The following CELF2 variants were observed in gnomAD, a reference collection of about 807,000 sequenced individuals.
The protein encoded by CELF2 is CUGBP Elav-like family member 2.
A neutral mutation model predicts 62.6 loss-of-function variants in CELF2; 8 were observed. The observed-to-expected ratio is 0.13, with a 90% CI of 0.07 to 0.23. The LOEUF (loss-of-function observed/expected upper bound fraction) is 0.23. Among genes scored for constraint, CELF2 ranks in the 10% least tolerant of loss-of-function variants. The pLI, the probability that CELF2 is intolerant of heterozygous loss-of-function variation, is 1.00. For missense variants in CELF2, 333 were observed against 671.0 expected, an observed-to-expected ratio of 0.50 and a Z score of 5.56; for synonymous variants, 258 against 250.0, an observed-to-expected ratio of 1.03 and a Z score of -0.30.
rs1003322340 is a variant in CELF2 at position 11,217,774 on chromosome 10, A to G, written c.354+267A>G. On this transcript the variant is annotated intron_variant, in intron 3 of 12. Transcript: ENST00000633077. The surrounding 1 kb of genome is among the most constrained non-coding windows in gnomAD (Gnocchi z 5.6). The stretch of plus-strand genomic sequence containing the variant: ...ACCCCACTGGGCAGCCACGGCTGCC[A>G]AAGAGTATTGGGTGGGCTAAGATTT... Among the ~76,000 whole-genome samples the G allele has an allele frequency of 1.3e-5, 2 of 152,232 alleles. No individual in the cohort carries two copies. Among genetic ancestry groups the G allele is most frequent in the Non-Finnish European group, 2.9e-5 (2 of 68,034 alleles).
intron 8 of CELF2, among the ~76,000 whole-genome samples, chr10:11,282,709 G>T (rs372139156): frequency 5.3e-5 from 8 of 152,220 alleles, no homozygotes; most frequent in Non-Finnish European, 1.0e-4. Context: ...AAACCCCAAG[G>T]TGCAAACAGG....
the CELF2 span, among the ~76,000 whole-genome samples, chr10:10,696,744 T>TG: frequency 6.6e-6 from 1 of 152,006 alleles, no homozygotes; most frequent in African/African-American, 2.4e-5. Context: ...GCGCAGTATT[T>TG]GGGTGGGAGT....
At chr10:10,914,894 C>T (rs904340713) in intron 1 of CELF2, among the ~76,000 whole-genome samples, 1 of 151,918 alleles carries the variant, frequency 6.6e-6, no homozygotes, top group East Asian at 1.9e-4. Flanking sequence ...TTTGGGAGGC[C>T]GAGGCGGGTG....
chr10:11,319,673 C>T lies in CELF2; in HGVS notation c.1097-1516C>T, dbSNP rs368619231. On this transcript the variant is annotated intron_variant, in intron 10 of 12. Coordinates refer to ENST00000633077, the MANE Select transcript of CELF2 (RefSeq NM_001326342.2). This position sits in a 1 kb window ranked among gnomAD's most constrained non-coding sequence, Gnocchi z 4.4. ...TCAGGAGGCTGCCACTCCATTCTCA[C>T]GCCATTCACACTCGTCTCGCCACCC... The T allele has an allele frequency of 1.0e-4, 44 of 423,936 alleles. No individual in the cohort carries two copies. The highest frequency in any genetic ancestry group is 4.2e-4 in the African/African-American group (21 of 49,434). 26.3% of individuals were successfully genotyped at this position (423,936 alleles called of 1,614,324 possible).
Position 11,067,391 on chromosome 10 carries a change from T to G in CELF2, c.74+49228T>G, listed in dbSNP as rs1228348591. ...GAACTTTATTTCTGAATTTGCTAAGTAAAACTTGCTTGCAAATGTGTAATA... is the reference window on the plus strand; with the variant it reads ...GAACTTTATTTCTGAATTTGCTAAGGAAAACTTGCTTGCAAATGTGTAATA... On this transcript the variant is annotated intron_variant, in intron 1 of 12. Coordinates refer to ENST00000633077, the MANE Select transcript of CELF2 (RefSeq NM_001326342.2). Among the ~76,000 whole-genome samples, 4 of 152,208 alleles carry G rather than the reference T, an allele frequency of 2.6e-5. No individual in the cohort carries two copies. The East Asian group carries it at 7.7e-4, about 29-fold the overall frequency.
At chr10:11,273,281 G>A (rs3780995) in intron 7 of CELF2, among the ~76,000 whole-genome samples, 74,668 of 151,742 alleles carry the variant, frequency 0.49, 19,994 homozygotes, top group Non-Finnish European at 0.62. Flanking sequence ...GGAGAGGAGC[G>A]GCAGGCGAGA....
intron 12 of CELF2, among the ~76,000 whole-genome samples, chr10:11,326,276 C>T (rs764409161): frequency 2.0e-5 from 3 of 152,354 alleles, no homozygotes; most frequent in East Asian, 1.9e-4. Flanking sequence ...ATTCAGACAC[C>T]GTGGTTGTGG....
chr10:10,964,389 C>A (rs1397946477), intron 2 of CELF2, among the ~76,000 whole-genome samples: 2 of 152,178 alleles, frequency 1.3e-5, no homozygotes, highest in Non-Finnish European at 2.9e-5. Context: ...GGTGTTTTAA[C>A]ACTTTTGACC....
the CELF2 span, among the ~76,000 whole-genome samples, chr10:10,522,131 G>C: frequency 6.6e-6 from 1 of 152,182 alleles, no homozygotes; most frequent in African/African-American, 2.4e-5. Flanking sequence ...AATAATCCCA[G>C]TAATCTTTTT....
the CELF2 span, among the ~76,000 whole-genome samples, chr10:10,509,223 ACT>A: frequency 2.0e-5 from 3 of 152,036 alleles, no homozygotes; most frequent in Admixed American, 6.5e-5. Flanking sequence ...ACTGGATATT[ACT>A]CTGTTGTCCT....
At position 11,329,211 on chromosome 10, in the gene CELF2, C is replaced by T; in HGVS notation, c.*158C>T. On this transcript the variant is annotated 3_prime_UTR_variant, in exon 13 of 13. Transcript: ENST00000633077. The surrounding 1 kb of genome is among the most constrained non-coding windows in gnomAD (Gnocchi z 5.5). ...AATAAGGCCTCCATGTCCCCACCCA[C>T]TTCCCCTACCCAGTTTGCCATAATT... 1.6e-6 allele frequency: 1 copy of T among 611,538 alleles called. No homozygotes were observed. Among genetic ancestry groups the T allele is most frequent in the Non-Finnish European group, 2.6e-6 (1 of 384,638 alleles). 37.9% of individuals were successfully genotyped at this position (611,538 alleles called of 1,614,324 possible).
chr10:10,992,406 G>A (rs1287732091), intron 2 of CELF2, among the ~76,000 whole-genome samples: 1 of 152,176 alleles, frequency 6.6e-6, no homozygotes, highest in Non-Finnish European at 1.5e-5. Context: ...CTAATGTTGG[G>A]TAACGTGTTA....
At chr10:10,943,850 C>T (rs923802321) in intron 2 of CELF2, among the ~76,000 whole-genome samples, 1 of 151,732 alleles carries the variant, frequency 6.6e-6, no homozygotes, top group Non-Finnish European at 1.5e-5. Context: ...GATCTGCTTG[C>T]CTCAGCCTCC....
At chr10:10,980,186 T>C (rs375313109) in intron 2 of CELF2, among the ~76,000 whole-genome samples, 1 of 152,228 alleles carries the variant, frequency 6.6e-6, no homozygotes, top group East Asian at 1.9e-4. Flanking sequence ...GAGCAGATCA[T>C]TCCGGCAGCC....
At chr10:10,840,760 G>C (rs2058627638) in intron 1 of CELF2, among the ~76,000 whole-genome samples, 2 of 152,068 alleles carry the variant, frequency 1.3e-5, no homozygotes, top group African/African-American at 4.8e-5. Flanking sequence ...TGCCATGGTG[G>C]TTTGCTGCAC....
At chr10:11,168,046 CA>C (rs1486351388) in intron 2 of CELF2, among the ~76,000 whole-genome samples, 3 of 152,110 alleles carry the variant, frequency 2.0e-5, no homozygotes, top group Non-Finnish European at 2.9e-5. Context: ...GGGCCTGGGT[CA>C]GGGGCAGTCT....
At chr10:11,167,380 AATTC>A in intron 2 of CELF2, among the ~76,000 whole-genome samples, 1 of 152,368 alleles carries the variant, frequency 6.6e-6, no homozygotes, top group South Asian at 2.1e-4. Context: ...AAATAACCAC[AATTC>A]ATCCTTGACA....
chr10:10,691,981 C>T, the CELF2 span, among the ~76,000 whole-genome samples: 2 of 151,554 alleles, frequency 1.3e-5, no homozygotes, highest in Non-Finnish European at 2.9e-5. Context: ...CATGGTAGTT[C>T]CTTTTTGCTG....
At chr10:11,124,849 T>C (rs914739286) in intron 1 of CELF2, among the ~76,000 whole-genome samples, 16 of 152,334 alleles carry the variant, frequency 1.1e-4, no homozygotes, top group African/African-American at 3.8e-4. Flanking sequence ...GGATAGCATA[T>C]TTCACTTTGA....
Sources: allele counts gnomAD v4.1 joint callset (sites outside exome capture counted in the v4.1 genomes callset), GRCh38; gene constraint gnomAD v4.1.1; non-coding constraint Gnocchi (gnomAD v3.1); transcripts MANE v1.5; gene names NCBI Gene and HGNC (gene_info 2026-07-23, HGNC 2026-07-21).